The following GRID1 variants were observed in gnomAD, a reference collection of about 807,000 sequenced individuals.
GRID1 encodes the protein glutamate receptor ionotropic, delta-1.
Under a neutral mutation model 98.0 loss-of-function variants are expected in GRID1, and 28 were observed. The ratio of observed to expected loss-of-function variants is 0.29; its 90% confidence interval spans 0.21 to 0.39. The LOEUF (loss-of-function observed/expected upper bound fraction) is 0.39. GRID1 is among the 10% of genes least tolerant of loss of function. The pLI is 1.00. For missense variants in GRID1, 1,111 were observed against 1,340.5 expected (o/e 0.83, Z 2.67); for synonymous variants, 553 against 538.5 (o/e 1.03, Z -0.37).
chr10:86,328,772 C>G (rs1021769840), intron 2 of GRID1, among the ~76,000 whole-genome samples: 8 of 152,082 alleles, frequency 5.3e-5, no homozygotes, highest in South Asian at 2.1e-4. Flanking sequence ...CCCGTTCCCC[C>G]CTCCACCCCC....
Position 85,975,645 on chromosome 10 carries a change from C to T in GRID1, c.727-59406G>A, listed in dbSNP as rs1369448358. 3.9e-5 allele frequency among the ~76,000 whole-genome samples: 6 copies of T among 152,280 alleles called. No homozygotes were observed. In the South Asian group the frequency reaches 1.2e-3, roughly 32 times the overall value. On this transcript the variant is annotated intron_variant, in intron 4 of 15. Transcript: ENST00000327946. ...CAGTCTATAGTAAGCTACCCCAGAACCCAAACTTTTGGAGACTGACTCTTT... is the reference window on the plus strand; with the variant it reads ...CAGTCTATAGTAAGCTACCCCAGAATCCAAACTTTTGGAGACTGACTCTTT...
intron 8 of GRID1, among the ~76,000 whole-genome samples, chr10:85,828,965 G>A (rs752157739): frequency 3.3e-5 from 5 of 151,996 alleles, no homozygotes; most frequent in African/African-American, 1.2e-4. Flanking sequence ...CTATGAGGCT[G>A]GCATCATTCT....
At chr10:85,890,887 G>C (rs753863844) in intron 5 of GRID1, among the ~76,000 whole-genome samples, 13 of 152,178 alleles carry the variant, frequency 8.5e-5, no homozygotes, top group Non-Finnish European at 1.2e-4. Flanking sequence ...ACTATGACCT[G>C]AGTAGCTATC....
At chr10:85,768,591 C>T (rs1842220900) in intron 8 of GRID1, among the ~76,000 whole-genome samples, 2 of 152,074 alleles carry the variant, frequency 1.3e-5, no homozygotes, top group South Asian at 4.1e-4. Context: ...TAAGACTAGC[C>T]ATTAACAGAA....
intron 5 of GRID1, among the ~76,000 whole-genome samples, chr10:85,875,167 C>T (rs1970525): frequency 1.3e-5 from 2 of 152,084 alleles, no homozygotes; most frequent in African/African-American, 2.4e-5. Context: ...TGTCAGCTAT[C>T]GTGCCTGGCC....
chr10:86,222,123 T>A (rs529627693), intron 2 of GRID1, among the ~76,000 whole-genome samples: 50 of 152,252 alleles, frequency 3.3e-4, no homozygotes, highest in Non-Finnish European at 6.8e-4. Flanking sequence ...CCGAGGGTCC[T>A]GCATGCCATC....
intron 8 of GRID1, among the ~76,000 whole-genome samples, chr10:85,746,854 T>G (rs1296328999): frequency 6.6e-6 from 1 of 152,202 alleles, no homozygotes; most frequent in East Asian, 1.9e-4. Context: ...ATTGCTCTCT[T>G]AAGCTGTTAA....
chr10:86,151,898 C>G (rs1383575176), intron 3 of GRID1, among the ~76,000 whole-genome samples: 1 of 152,228 alleles, frequency 6.6e-6, no homozygotes, highest in Non-Finnish European at 1.5e-5. Context: ...GGGACTGCCC[C>G]ACACTATCTT....
At chr10:86,364,965 T>G (rs958229473) in intron 1 of GRID1, among the ~76,000 whole-genome samples, 1 of 152,092 alleles carries the variant, frequency 6.6e-6, no homozygotes, top group African/African-American at 2.4e-5. Flanking sequence ...CCGAGCCTAG[T>G]CCTGCAACCT....
At chr10:86,319,126 A>G (rs1453832899) in intron 2 of GRID1, among the ~76,000 whole-genome samples, 2 of 152,144 alleles carry the variant, frequency 1.3e-5, no homozygotes, top group African/African-American at 4.8e-5. Flanking sequence ...CTGCAGGAGC[A>G]AGGAGTAGGC....
At chr10:85,704,945 G>T (rs1355913425) in intron 12 of GRID1, among the ~76,000 whole-genome samples, 1 of 152,156 alleles carries the variant, frequency 6.6e-6, no homozygotes, top group Non-Finnish European at 1.5e-5. Context: ...CAACATACCA[G>T]AATCTCTGGG....
intron 2 of GRID1, among the ~76,000 whole-genome samples, chr10:86,240,651 G>T (rs1477049329): frequency 1.3e-5 from 2 of 152,202 alleles, no homozygotes; most frequent in Admixed American, 6.5e-5. Flanking sequence ...AGCTCCAGAA[G>T]AGAAGAGACC....
chr10:85,618,216 G>A (rs960315323), intron 14 of GRID1, among the ~76,000 whole-genome samples: 3 of 152,146 alleles, frequency 2.0e-5, no homozygotes, highest in African/African-American at 7.2e-5. Flanking sequence ...TGAGCACACG[G>A]GGACTCTAAC....
At chr10:85,920,778 C>T (rs1180371254) in intron 4 of GRID1, among the ~76,000 whole-genome samples, 2 of 152,152 alleles carry the variant, frequency 1.3e-5, no homozygotes, top group Non-Finnish European at 2.9e-5. Context: ...GAAGGGGGGC[C>T]GGCCTTCTGC....
intron 3 of GRID1, among the ~76,000 whole-genome samples, chr10:86,142,501 A>AC (rs1224730770): frequency 3.3e-5 from 5 of 152,200 alleles, no homozygotes; most frequent in African/African-American, 1.2e-4. Flanking sequence ...TCCTTAGAAC[A>AC]CCAGTGGTCC....
intron 13 of GRID1, among the ~76,000 whole-genome samples, chr10:85,624,334 A>G (rs75724513): frequency 0.033 from 5,067 of 152,326 alleles, 126 homozygotes; most frequent in Non-Finnish European, 0.047. Context: ...TGAATTTCCA[A>G]TCGCTGACTT....
At chr10:86,182,642 T>C (rs1328179857) in intron 3 of GRID1, among the ~76,000 whole-genome samples, 4 of 152,216 alleles carry the variant, frequency 2.6e-5, no homozygotes, top group East Asian at 1.9e-4. Flanking sequence ...AGCTTCTAGA[T>C]TGCAATGCAC....
intron 3 of GRID1, among the ~76,000 whole-genome samples, chr10:86,156,699 A>C (rs745341254): frequency 6.6e-6 from 1 of 152,224 alleles, no homozygotes; most frequent in Non-Finnish European, 1.5e-5. Flanking sequence ...CTTGTGATTA[A>C]TGGTGCTATG....
intron 8 of GRID1, among the ~76,000 whole-genome samples, chr10:85,792,323 T>A (rs1467026421): frequency 2.6e-5 from 4 of 152,282 alleles, no homozygotes; most frequent in African/African-American, 9.6e-5. Flanking sequence ...GTTGTCCCCA[T>A]CTCTGGATGA....
Sources: allele counts gnomAD v4.1 joint callset (sites outside exome capture counted in the v4.1 genomes callset), GRCh38; gene constraint gnomAD v4.1.1; transcripts MANE v1.5; gene names NCBI Gene and HGNC (gene_info 2026-07-23, HGNC 2026-07-21).